PCSK2: variants seen among roughly 807,000 people sequenced by gnomAD.
PCSK2 encodes the protein proprotein convertase subtilisin/kexin type 2, also known as neuroendocrine convertase 2.
A neutral mutation model predicts 69.7 loss-of-function variants in PCSK2; 14 were observed. That is an observed-to-expected ratio of 0.20 (90% CI 0.13 to 0.31). The LOEUF is 0.31. PCSK2 is among the 10% of genes least tolerant of loss of function. The pLI, the probability that PCSK2 is intolerant of heterozygous loss-of-function variation, is 1.00. For synonymous variants in PCSK2, 307 were observed against 320.7 expected (o/e 0.96, Z 0.46); for missense variants, 544 against 842.5 (o/e 0.65, Z 4.39).
At chr20:17,422,910 T>C (rs1156261418) in intron 6 of PCSK2, among the ~76,000 whole-genome samples, 1 of 152,156 alleles carries the variant, frequency 6.6e-6, no homozygotes, top group Non-Finnish European at 1.5e-5. Flanking sequence ...TCAATAAATG[T>C]GATAACTATG....
intron 2 of PCSK2, among the ~76,000 whole-genome samples, chr20:17,289,329 A>G (rs1452341590): frequency 6.6e-6 from 1 of 152,144 alleles, no homozygotes; most frequent in Non-Finnish European, 1.5e-5. Context: ...TCACATATGC[A>G]TATTTGAGGG....
chr20:17,389,534 C>T (rs1189838027), intron 5 of PCSK2, among the ~76,000 whole-genome samples: 4 of 152,112 alleles, frequency 2.6e-5, no homozygotes, highest in African/African-American at 7.2e-5. Context: ...AGGGTGTGAA[C>T]AGATGCTCAG....
At chr20:17,239,376 G>A (rs2122949734) in intron 1 of PCSK2, among the ~76,000 whole-genome samples, 2 of 152,282 alleles carry the variant, frequency 1.3e-5, no homozygotes, top group South Asian at 4.1e-4. Context: ...GAGAGACCTT[G>A]AAGAACCTAA....
intron 8 of PCSK2, among the ~76,000 whole-genome samples, chr20:17,443,077 C>T (rs1289360732): frequency 2.0e-5 from 3 of 152,160 alleles, no homozygotes; most frequent in Admixed American, 1.3e-4. Context: ...AGATCTCACA[C>T]TTTAAGGAAT....
intron 2 of PCSK2, among the ~76,000 whole-genome samples, chr20:17,270,373 C>T (rs1987814482): frequency 6.6e-6 from 1 of 152,050 alleles, no homozygotes; most frequent in South Asian, 2.1e-4. Context: ...GAATTCCTGC[C>T]ATTTCCAGTA....
At chr20:17,366,730 C>G (rs6075200) in intron 4 of PCSK2, among the ~76,000 whole-genome samples, 51,394 of 152,114 alleles carry the variant, frequency 0.34, 9,409 homozygotes, top group South Asian at 0.58. Flanking sequence ...CAATCATTCT[C>G]TTTCTCAGAC....
intron 9 of PCSK2, among the ~76,000 whole-genome samples, chr20:17,455,842 C>T (rs772265531): frequency 2.6e-5 from 4 of 152,194 alleles, no homozygotes; most frequent in Non-Finnish European, 5.9e-5. Flanking sequence ...TCCCCTTTTA[C>T]GTGGGCTACT....
At chr20:17,237,173 G>A (rs901522174) in intron 1 of PCSK2, among the ~76,000 whole-genome samples, 1 of 152,198 alleles carries the variant, frequency 6.6e-6, no homozygotes, top group African/African-American at 2.4e-5. Context: ...AACAGTGAGA[G>A]AGATGAAAGG....
chr20:17,288,694 A>G (rs944804005), intron 2 of PCSK2, among the ~76,000 whole-genome samples: 1 of 152,240 alleles, frequency 6.6e-6, no homozygotes, highest in Non-Finnish European at 1.5e-5. Context: ...CACAGAAGAA[A>G]GACCACAAGA....
intron 1 of PCSK2, among the ~76,000 whole-genome samples, chr20:17,237,924 T>C (rs77237941): frequency 4.1e-4 from 63 of 152,292 alleles, no homozygotes; most frequent in African/African-American, 1.5e-3. Flanking sequence ...ACGCATTGCA[T>C]TGACATATTA....
chr20:17,458,481 G>T (rs1414127610), intron 10 of PCSK2, among the ~76,000 whole-genome samples: 2 of 152,130 alleles, frequency 1.3e-5, no homozygotes, highest in African/African-American at 2.4e-5. Context: ...AAACTCCAAG[G>T]CATCTCTAGC....
At chr20:17,322,116 A>G (rs974356810) in intron 2 of PCSK2, among the ~76,000 whole-genome samples, 1 of 152,136 alleles carries the variant, frequency 6.6e-6, no homozygotes, top group Non-Finnish European at 1.5e-5. Flanking sequence ...AAAGCCCACA[A>G]AAGAAACCTG....
chr20:17,255,347 T>A (rs1987135515), intron 1 of PCSK2, among the ~76,000 whole-genome samples: 1 of 151,368 alleles, frequency 6.6e-6, no homozygotes, highest in Admixed American at 6.6e-5. Context: ...ATTCCTAATT[T>A]TTTTTTTTTT....
chr20:17,465,284 C>A (rs772863742), intron 10 of PCSK2, 42 bp from the exon 11 acceptor site: 4 of 1,363,928 alleles, frequency 2.9e-6, no homozygotes, highest in African/African-American at 2.9e-5. Context: ...TCTCACCCTG[C>A]CTTTTGCCCT....
intron 2 of PCSK2, among the ~76,000 whole-genome samples, chr20:17,335,822 AT>A (rs1357509085): frequency 7.1e-6 from 1 of 140,276 alleles, no homozygotes; most frequent in Admixed American, 7.2e-5. Flanking sequence ...AAATGCCATT[AT>A]TTTTTTCCTT....
chr20:17,362,364 TG>T (rs2030424979), intron 4 of PCSK2, among the ~76,000 whole-genome samples: 1 of 152,164 alleles, frequency 6.6e-6, no homozygotes, highest in South Asian at 2.1e-4. Context: ...ATCCCAACAT[TG>T]AGTGGTTTAA....
At chr20:17,455,459 C>A (rs747746809) in intron 9 of PCSK2, among the ~76,000 whole-genome samples, 1 of 152,026 alleles carries the variant, frequency 6.6e-6, no homozygotes, top group African/African-American at 2.4e-5. Flanking sequence ...GAGGTGATAC[C>A]CACATATTGG....
intron 2 of PCSK2, among the ~76,000 whole-genome samples, chr20:17,343,860 C>A (rs995368557): frequency 6.6e-6 from 1 of 152,198 alleles, no homozygotes; most frequent in Non-Finnish European, 1.5e-5. Flanking sequence ...AGAATCCCTG[C>A]CCCCTACAAG....
chr20:17,423,925 G>A (rs2032188568), intron 6 of PCSK2, among the ~76,000 whole-genome samples: 1 of 152,108 alleles, frequency 6.6e-6, no homozygotes, highest in Middle Eastern at 3.2e-3. Flanking sequence ...ACACCAACTG[G>A]ACTAGCAAAA....
Sources: gnomAD v4.1 joint callset for allele counts (sites outside exome capture counted in the v4.1 genomes callset) on GRCh38, gnomAD v4.1.1 for gene constraint, MANE v1.5 for transcripts, NCBI Gene and HGNC (gene_info 2026-07-23, HGNC 2026-07-21) for gene names.